The following SLC2A13 variants were observed in gnomAD, a reference collection of about 807,000 sequenced individuals.
SLC2A13 encodes proton myo-inositol cotransporter.
Under a neutral mutation model 64.4 loss-of-function variants are expected in SLC2A13, and 32 were observed. The observed-to-expected ratio is 0.50, with a 90% CI of 0.37 to 0.67. The LOEUF (loss-of-function observed/expected upper bound fraction) is 0.67. Ranked by LOEUF, SLC2A13 falls within the 30% of genes least tolerant of loss-of-function variation. SLC2A13 has a pLI of 0.00. For missense variants in SLC2A13, 743 were observed against 829.2 expected, an observed-to-expected ratio of 0.90 and a Z score of 1.28; for synonymous variants, 338 against 327.1, an observed-to-expected ratio of 1.03 and a Z score of -0.36.
chr12:39,896,382 A>G (rs981342578), intron 4 of SLC2A13, among the ~76,000 whole-genome samples: 1 of 128,870 alleles, frequency 7.8e-6, no homozygotes, highest in Admixed American at 7.6e-5. Context: ...ACATATATGT[A>G]TGTATATGTG....
chr12:39,935,924 T>G (rs1221997789), intron 4 of SLC2A13, among the ~76,000 whole-genome samples: 2 of 152,174 alleles, frequency 1.3e-5, no homozygotes, highest in African/African-American at 4.8e-5. Flanking sequence ...AGATCACTGA[T>G]GCCCTGAGAA....
chr12:39,927,772 C>A (rs1565546136), intron 4 of SLC2A13, among the ~76,000 whole-genome samples: 1 of 152,024 alleles, frequency 6.6e-6, no homozygotes, highest in Non-Finnish European at 1.5e-5. Context: ...ATTAATTTGA[C>A]AAGTTTATTA....
chr12:39,817,802 C>T (rs1942380744), intron 7 of SLC2A13, among the ~76,000 whole-genome samples: 1 of 152,044 alleles, frequency 6.6e-6, no homozygotes, highest in Admixed American at 6.5e-5. Flanking sequence ...TGTCAGTATA[C>T]CCGGGGCAAT....
Position 39,864,722 on chromosome 12 carries a change from CAG to C in SLC2A13, c.1319+38_1319+39del, listed in dbSNP as rs771465413. 1.8e-5 allele frequency: 29 copies of C among 1,598,174 alleles called. 1 individual carries two copies. In the African/African-American group the frequency reaches 3.5e-4, roughly 19 times the overall value. On this transcript the variant is annotated intron_variant, in intron 6 of 9. Coordinates refer to ENST00000280871, the MANE Select transcript of SLC2A13 (RefSeq NM_052885.4). ...AGTTAAAAGCAAGCAAAAAAGTTACCAGAGTCATGTAAAGGAAGAAGAACATA... is the reference window on the plus strand; with the variant it reads ...AGTTAAAAGCAAGCAAAAAAGTTACCAGTCATGTAAAGGAAGAAGAACATA...
intron 5 of SLC2A13, among the ~76,000 whole-genome samples, chr12:39,865,148 A>G (rs1943874915): frequency 6.6e-6 from 1 of 152,214 alleles, no homozygotes; most frequent in Non-Finnish European, 1.5e-5. Flanking sequence ...GTAAATTGGT[A>G]ATGATTTTTT....
rs1160008423 is a variant in SLC2A13, at chr12:39,891,220, A to C, written c.1035-19259T>G. ...CCCAGTCTCTCCATCATTATTTCCA[A>C]CCTTCTGCTGAGCTCTGCCTCTGCC... On this transcript the variant is annotated intron_variant, in intron 4 of 9. Coordinates refer to ENST00000280871, the MANE Select transcript of SLC2A13 (RefSeq NM_052885.4). 2.0e-5 allele frequency among the ~76,000 whole-genome samples: 3 copies of C among 150,122 alleles called. No homozygotes were observed. The East Asian group carries it at 5.8e-4, about 29-fold the overall frequency.
intron 4 of SLC2A13, among the ~76,000 whole-genome samples, chr12:39,930,408 T>A (rs1008425610): frequency 6.6e-5 from 10 of 152,020 alleles, no homozygotes; most frequent in Non-Finnish European, 1.5e-4. Context: ...TATTAATTAA[T>A]CCAAAAATGA....
chr12:39,997,456 G>GA (rs1340552276), intron 3 of SLC2A13, among the ~76,000 whole-genome samples: 1 of 152,048 alleles, frequency 6.6e-6, no homozygotes, highest in Non-Finnish European at 1.5e-5. Flanking sequence ...ACACACATAT[G>GA]AAAAAAATGC....
In SLC2A13 at chr12:39,966,830, C is replaced by T. The variant is rs190634887; in HGVS notation, c.926-15465G>A. Among the ~76,000 whole-genome samples the T allele has an allele frequency of 1.7e-3, 252 of 152,200 alleles. 2 individuals are homozygous for T. The highest frequency in any genetic ancestry group is 5.9e-3 in the African/African-American group (245 of 41,546). On this transcript the variant is annotated intron_variant, in intron 3 of 9. Transcript: ENST00000280871. ...TCTGTGGGTATCTAACCTTATTTTC[C>T]TTGGCATTTTGCTTTTAACTTGTGA...
At chr12:39,999,848 C>G (rs376663098) in intron 3 of SLC2A13, among the ~76,000 whole-genome samples, 1 of 152,128 alleles carries the variant, frequency 6.6e-6, no homozygotes, top group Non-Finnish European at 1.5e-5. Context: ...TTCTTGTACA[C>G]CCTCCCCTTT....
At chr12:40,023,734 T>C (rs1947759265) in intron 3 of SLC2A13, among the ~76,000 whole-genome samples, 1 of 152,150 alleles carries the variant, frequency 6.6e-6, no homozygotes, top group African/African-American at 2.4e-5. Context: ...TTTAATATCA[T>C]CTCTAATGAA....
chr12:39,918,869 G>A (rs1945564708), intron 4 of SLC2A13, among the ~76,000 whole-genome samples: 1 of 148,570 alleles, frequency 6.7e-6, no homozygotes, highest in South Asian at 2.1e-4. Context: ...AAAAAAAAGG[G>A]TTAAAAACCT....
intron 7 of SLC2A13, among the ~76,000 whole-genome samples, chr12:39,816,286 G>A (rs1283456406): frequency 2.0e-5 from 3 of 152,016 alleles, no homozygotes; most frequent in Admixed American, 2.0e-4. Flanking sequence ...CTGATGGGGT[G>A]AAGGATGAGA....
chr12:39,843,653 T>G (rs1943232384), intron 6 of SLC2A13, among the ~76,000 whole-genome samples: 1 of 152,066 alleles, frequency 6.6e-6, no homozygotes, highest in Non-Finnish European at 1.5e-5. Flanking sequence ...TTGCTAGTGC[T>G]CAACTCTCCA....
At chr12:39,881,901 C>T (rs1329666371) in intron 4 of SLC2A13, among the ~76,000 whole-genome samples, 1 of 151,982 alleles carries the variant, frequency 6.6e-6, no homozygotes, top group Non-Finnish European at 1.5e-5. Context: ...CATTCTTACC[C>T]CTGTATCATG....
At chr12:40,011,097 A>C (rs965692811) in intron 3 of SLC2A13, among the ~76,000 whole-genome samples, 1 of 152,212 alleles carries the variant, frequency 6.6e-6, no homozygotes, top group Non-Finnish European at 1.5e-5. Flanking sequence ...CCAGAGGCTC[A>C]ACTAACTTTT....
At chr12:40,080,693 T>C (rs189431917) in intron 1 of SLC2A13, among the ~76,000 whole-genome samples, 1 of 152,262 alleles carries the variant, frequency 6.6e-6, no homozygotes, top group East Asian at 1.9e-4. Context: ...CACCTGGCCT[T>C]GTTTAAAATG....
intron 2 of SLC2A13, among the ~76,000 whole-genome samples, chr12:40,035,116 A>G (rs1947960248): frequency 6.6e-6 from 1 of 152,214 alleles, no homozygotes; most frequent in African/African-American, 2.4e-5. Flanking sequence ...TACATTGTTC[A>G]ATGTTCCAAT....
chr12:40,060,282 T>C (rs1481551971), intron 1 of SLC2A13, among the ~76,000 whole-genome samples: 1 of 152,162 alleles, frequency 6.6e-6, no homozygotes, highest in Non-Finnish European at 1.5e-5. Context: ...GACTTTAACT[T>C]GATGAAAACT....
Sources: gnomAD v4.1 joint callset for allele counts (sites outside exome capture counted in the v4.1 genomes callset) on GRCh38, gnomAD v4.1.1 for gene constraint, MANE v1.5 for transcripts, NCBI Gene and HGNC (gene_info 2026-07-23, HGNC 2026-07-21) for gene names.